The following FAM227B variants were observed in gnomAD, a reference collection of about 807,000 sequenced individuals.
The protein encoded by FAM227B is family with sequence similarity 227 member B.
Under a neutral mutation model 73.8 loss-of-function variants are expected in FAM227B, and 88 were observed. The ratio of observed to expected loss-of-function variants is 1.19; its 90% CI spans 1.00 to 1.42. The LOEUF is 1.42. FAM227B is among the 40% of genes most tolerant of loss of function. FAM227B has a pLI of 0.00. For missense variants in FAM227B, 632 were observed against 590.9 expected (o/e 1.07, Z -0.72); for synonymous variants, 210 against 190.5 (o/e 1.10, Z -0.84).
In FAM227B at chr15:49,401,966, CA is replaced by C. The variant is rs2048187850; in HGVS notation, c.1013-30568del. 2.0e-5 allele frequency among the ~76,000 whole-genome samples: 3 copies of C among 150,006 alleles called. No individual in the cohort carries two copies. In the South Asian group the frequency reaches 6.4e-4, roughly 32 times the overall value. ...TGTATACATATGTAACTAACCTGCA[CA>C]ATGTGCACATGTACCCTAAAACTTA... is the stretch of plus-strand genomic sequence containing the variant. On this transcript the variant is annotated intron_variant, in intron 11 of 15. Transcript: ENST00000299338.
At chr15:49,365,624 A>C in intron 13 of FAM227B, 1 of 1,108,980 alleles carries the variant, frequency 9.0e-7, no homozygotes, top group Non-Finnish European at 1.4e-6. Flanking sequence ...ATGAAAACAA[A>C]AAATACATCA....
At chr15:49,450,089 C>G (rs998919271) in intron 11 of FAM227B, among the ~76,000 whole-genome samples, 1 of 151,976 alleles carries the variant, frequency 6.6e-6, no homozygotes, top group Non-Finnish European at 1.5e-5. Flanking sequence ...TGAGAAGAAA[C>G]AAATTAAAAC....
chr15:49,426,857 A>G (rs2050174973), intron 11 of FAM227B, among the ~76,000 whole-genome samples: 1 of 151,990 alleles, frequency 6.6e-6, no homozygotes, highest in Non-Finnish European at 1.5e-5. Context: ...TATATGGTAT[A>G]CTTTCTTGAT....
chr15:49,504,606 A>T (rs1441307854), intron 11 of FAM227B, among the ~76,000 whole-genome samples: 1 of 146,744 alleles, frequency 6.8e-6, no homozygotes, highest in African/African-American at 2.5e-5. Context: ...GTTAAAGTTT[A>T]AAAAAAAAAA....
At chr15:49,427,301 T>C (rs2050213043) in intron 11 of FAM227B, among the ~76,000 whole-genome samples, 1 of 152,046 alleles carries the variant, frequency 6.6e-6, no homozygotes. Context: ...CAATCATTAA[T>C]TGAATGAATG....
intron 11 of FAM227B, among the ~76,000 whole-genome samples, chr15:49,428,460 A>T (rs2050312281): frequency 6.6e-6 from 1 of 151,896 alleles, no homozygotes. Flanking sequence ...TGTTGTCAGA[A>T]CTCTCCCCAT....
intron 10 of FAM227B, among the ~76,000 whole-genome samples, chr15:49,534,198 C>T (rs2060834277): frequency 6.6e-6 from 1 of 151,776 alleles, no homozygotes; most frequent in Non-Finnish European, 1.5e-5. Flanking sequence ...AGATCAAGAG[C>T]AGGTCACCTC....
At chr15:49,591,029 GTTTT>G (rs71424023) in intron 3 of FAM227B, among the ~76,000 whole-genome samples, 15 of 105,610 alleles carry the variant, frequency 1.4e-4, no homozygotes, top group African/African-American at 5.2e-4. Context: ...TCTTTTTTTT[GTTTT>G]TTTTTTTTTT....
chr15:49,441,441 C>T (rs545460530), intron 11 of FAM227B, among the ~76,000 whole-genome samples: 1 of 151,720 alleles, frequency 6.6e-6, no homozygotes. Context: ...ATTAGAGAGA[C>T]ATTAAATGCT....
intron 9 of FAM227B, among the ~76,000 whole-genome samples, chr15:49,550,189 T>C (rs534783389): frequency 0.029 from 3,142 of 110,216 alleles, 153 homozygotes; most frequent in African/African-American, 0.11. Flanking sequence ...CTGGACGGGG[T>C]GGCTGGCCGG....
intron 13 of FAM227B, among the ~76,000 whole-genome samples, chr15:49,347,642 T>C (rs1446217050): frequency 1.3e-5 from 2 of 152,194 alleles, no homozygotes; most frequent in African/African-American, 4.8e-5. Context: ...GCTTAGTTAT[T>C]ATCATAAAGT....
intron 8 of FAM227B, 43 bp downstream of exon 8, chr15:49,574,968 C>G: frequency 3.2e-6 from 4 of 1,254,338 alleles, no homozygotes; most frequent in Non-Finnish European, 4.5e-6. Flanking sequence ...ATTAATTATG[C>G]CAAAAATCAA....
intron 9 of FAM227B, among the ~76,000 whole-genome samples, chr15:49,548,989 T>C (rs1369749302): frequency 6.6e-6 from 1 of 152,190 alleles, no homozygotes; most frequent in Non-Finnish European, 1.5e-5. Flanking sequence ...TTTGTTTTCA[T>C]TTCAATTTCA....
intron 11 of FAM227B, among the ~76,000 whole-genome samples, chr15:49,435,955 A>T (rs1331737124): frequency 6.6e-6 from 1 of 151,542 alleles, no homozygotes; most frequent in Non-Finnish European, 1.5e-5. Context: ...AAAAATACAT[A>T]TGCCAATATT....
intron 11 of FAM227B, among the ~76,000 whole-genome samples, chr15:49,472,107 G>A (rs2054835947): frequency 6.6e-6 from 1 of 151,786 alleles, no homozygotes; most frequent in South Asian, 2.1e-4. Context: ...TGTTAGCTTA[G>A]AATAACTGAA....
intron 3 of FAM227B, among the ~76,000 whole-genome samples, chr15:49,600,305 C>CTAAAGTGAG (rs1181784646): frequency 1.3e-5 from 2 of 151,544 alleles, no homozygotes; most frequent in Non-Finnish European, 2.9e-5. Flanking sequence ...GTCCTTAAAG[C>CTAAAGTGAG]TAAAGTGAGT....
At chr15:49,505,819 A>G (rs1261461220) in intron 11 of FAM227B, among the ~76,000 whole-genome samples, 1 of 152,046 alleles carries the variant, frequency 6.6e-6, no homozygotes, top group Admixed American at 6.5e-5. Flanking sequence ...AATGTAAGTG[A>G]AGTAACACTT....
At chr15:49,555,391 G>A (rs1218740717) in intron 9 of FAM227B, among the ~76,000 whole-genome samples, 7 of 152,180 alleles carry the variant, frequency 4.6e-5, no homozygotes, top group African/African-American at 7.2e-5. Context: ...AGTCTCTTCT[G>A]GGTTGTAGGG....
chr15:49,465,514 T>C (rs376969309), intron 11 of FAM227B, among the ~76,000 whole-genome samples: 13 of 152,124 alleles, frequency 8.5e-5, no homozygotes, highest in African/African-American at 3.1e-4. Flanking sequence ...AGAAAACATA[T>C]GTAAGTTGTT....
Sources: allele counts gnomAD v4.1 joint callset (sites outside exome capture counted in the v4.1 genomes callset), GRCh38; gene constraint gnomAD v4.1.1; transcripts MANE v1.5; gene names NCBI Gene and HGNC (gene_info 2026-07-23, HGNC 2026-07-21).